DYNC2H1: variants seen among roughly 807,000 people sequenced by gnomAD.
DYNC2H1 encodes dynein cytoplasmic 2 heavy chain 1.
In DYNC2H1, 410 loss-of-function variants were observed where a neutral mutation model predicts 570.0. The ratio of observed to expected loss-of-function variants is 0.72; its 90% CI spans 0.66 to 0.78. The LOEUF (loss-of-function observed/expected upper bound fraction) is 0.78. Among genes scored for constraint, DYNC2H1 ranks in the 30% least tolerant of loss-of-function variants. The pLI is 0.00. For missense variants in DYNC2H1, 4,865 were observed against 5,046.4 expected (o/e 0.96, Z 1.09); for synonymous variants, 1,688 against 1,677.6 (o/e 1.01, Z -0.15).
intron 40 of DYNC2H1, among the ~76,000 whole-genome samples, chr11:103,184,127 A>G (rs902103894): frequency 6.6e-6 from 1 of 151,906 alleles, no homozygotes; most frequent in Admixed American, 6.6e-5. Flanking sequence ...CTTTTTTTAA[A>G]GAAGCCGTGA....
In DYNC2H1 at chr11:103,192,241, C is replaced by T. The variant is rs1862345996; in HGVS notation, c.7685C>T (p.Ser2562Leu). The T allele has an allele frequency of 6.4e-7, 1 of 1,571,518 alleles. No individual in the cohort carries two copies. The highest frequency in any genetic ancestry group is 1.2e-5 in the South Asian group (1 of 82,346). Residue 2562 changes from serine to leucine, a missense_variant, in exon 47 of 89, where the codon TCA becomes TTA. Physicochemically the swap from Ser to Leu is moderately radical, Grantham distance 145. Coordinates refer to ENST00000375735, the MANE Select transcript of DYNC2H1 (RefSeq NM_001377.3). ...LTSVFQGDWG[S>L]DILDNMSDSF... ...TCAGTGTTTCAAGGAGATTGGGGCT[C>T]AGACATATTAGACAATATGTCAGGT...
At chr11:103,457,213 T>C (rs1345769996) in intron 87 of DYNC2H1, among the ~76,000 whole-genome samples, 1 of 152,244 alleles carries the variant, frequency 6.6e-6, no homozygotes, top group African/African-American at 2.4e-5. Flanking sequence ...GTATAGTACA[T>C]AATACTTGAT....
intron 59 of DYNC2H1, among the ~76,000 whole-genome samples, chr11:103,225,466 G>A (rs1003871194): frequency 2.0e-5 from 3 of 151,768 alleles, no homozygotes; most frequent in Non-Finnish European, 4.4e-5. Flanking sequence ...ATTCTTCTAC[G>A]TGGGGCTTTC....
intron 10 of DYNC2H1, 72 bp from the exon 11 acceptor site, chr11:103,122,753 G>A: frequency 1.5e-6 from 2 of 1,292,712 alleles, no homozygotes; most frequent in Non-Finnish European, 2.2e-6. Context: ...GATCAGAGAA[G>A]GGGACTCCTT....
chr11:103,476,310 A>G (rs539969213), intron 88 of DYNC2H1, among the ~76,000 whole-genome samples: 2 of 152,340 alleles, frequency 1.3e-5, no homozygotes, highest in South Asian at 2.1e-4. Flanking sequence ...TTAGGTTAAC[A>G]TATCCCAGAG....
chr11:103,268,883 A>G lies in DYNC2H1; in HGVS notation c.10695+8906A>G, dbSNP rs1389719814. 6.6e-6 allele frequency among the ~76,000 whole-genome samples: 1 copy of G among 152,084 alleles called. No homozygotes were observed. Among genetic ancestry groups the G allele is most frequent in the Non-Finnish European group, 1.5e-5 (1 of 67,954 alleles). ...CTCATTTTATCGTTAGTAATACAGT[A>G]TATTCACTGATGAAATTTGAACCCC... On this transcript the variant is annotated intron_variant, in intron 70 of 88. Transcript: ENST00000375735. This position sits in a 1 kb window ranked among gnomAD's most constrained non-coding sequence, Gnocchi z 4.6.
At chr11:103,303,051 G>A (rs1867114111) in intron 75 of DYNC2H1, 42 bp from the exon 76 acceptor site, 2 of 1,326,564 alleles carry the variant, frequency 1.5e-6, no homozygotes, top group Non-Finnish European at 9.9e-7. Context: ...TTTTAATAAT[G>A]CATACTGCTT....
In DYNC2H1 at chr11:103,113,535, A is replaced by C; in HGVS notation, c.196-2A>C. The C allele has an allele frequency of 6.5e-7, 1 of 1,542,620 alleles. No individual in the cohort carries two copies. Among genetic ancestry groups the C allele is most frequent in the Non-Finnish European group, 8.7e-7 (1 of 1,152,394 alleles). On this transcript the variant is annotated splice_acceptor_variant, in intron 1 of 88. Transcript: ENST00000375735. LOFTEE classifies it high-confidence loss of function. ...AACATTAAAAATCATTTATCACTTT[A>C]GATTGAGTTTGGTGACACAAAAGAT...
intron 82 of DYNC2H1, among the ~76,000 whole-genome samples, chr11:103,341,446 C>G (rs544940704): frequency 1.3e-5 from 2 of 152,266 alleles, no homozygotes; most frequent in African/African-American, 4.8e-5. Flanking sequence ...GACAATTTCT[C>G]TAAGTGTGGG....
rs1277326269 is a variant in DYNC2H1, at chr11:103,109,648, C to T, written c.74C>T (p.Ser25Phe). Reference sequence around the variant, plus strand: ...ACCCAGAATTACTTCGGGTTGATGTCTGAACTCTGGGATCAGCCACTGTTG... The same window carrying T: ...ACCCAGAATTACTTCGGGTTGATGTTTGAACTCTGGGATCAGCCACTGTTG... ...TTTQNYFGLM[S>F]ELWDQPLLCN... The change falls in exon 1 of 89, where the codon TCT becomes TTT. Residue 25 changes from serine (S) to phenylalanine (F), a missense_variant. Transcript: ENST00000375735. 10 of 1,614,000 alleles carry T rather than the reference C, an allele frequency of 6.2e-6. No homozygotes were observed. Among genetic ancestry groups the T allele is most frequent in the Non-Finnish European group, 8.5e-6 (10 of 1,179,890 alleles).
rs988690854 is a variant in DYNC2H1, at chr11:103,356,020, T to C, written c.12040-2223T>C. Among the ~76,000 whole-genome samples the C allele has an allele frequency of 7.4e-4, 113 of 152,310 alleles. 1 individual carries two copies. The highest frequency in any genetic ancestry group is 1.1e-3 in the Non-Finnish European group (76 of 68,028). Reference sequence around the variant, plus strand: ...CCACTGTGCCTGGCTCCTTTGCAATTCTTATAGATCTCCCAAAGCATGCCA... The same window carrying C: ...CCACTGTGCCTGGCTCCTTTGCAATCCTTATAGATCTCCCAAAGCATGCCA... On this transcript the variant is annotated intron_variant, in intron 82 of 88. Coordinates refer to ENST00000375735, the MANE Select transcript of DYNC2H1 (RefSeq NM_001377.3).
Position 103,149,550 on chromosome 11 carries a change from A to G in DYNC2H1, c.2946+933A>G, listed in dbSNP as rs1488329012. On this transcript the variant is annotated intron_variant, in intron 20 of 88. Coordinates refer to ENST00000375735, the MANE Select transcript of DYNC2H1 (RefSeq NM_001377.3). ...GGAAAGAATTACAGACTTTTATGTG[A>G]TAGACTTAAAGGTATTAAAGAGGGT... Among the ~76,000 whole-genome samples, 5 of 152,230 alleles carry G rather than the reference A, an allele frequency of 3.3e-5. No individual in the cohort carries two copies. In the East Asian group the frequency reaches 7.7e-4, roughly 23 times the overall value.
chr11:103,191,857 A>T (rs1862329229), intron 46 of DYNC2H1, among the ~76,000 whole-genome samples: 1 of 152,058 alleles, frequency 6.6e-6, no homozygotes, highest in Non-Finnish European at 1.5e-5. Context: ...TATTTAGTAT[A>T]CTTTCTGGAA....
chr11:103,175,187 A>C (rs777118744), intron 36 of DYNC2H1, among the ~76,000 whole-genome samples: 27 of 152,152 alleles, frequency 1.8e-4, no homozygotes, highest in Non-Finnish European at 2.9e-4. Flanking sequence ...TCAGGTTGCT[A>C]TTGAAAACTA....
chr11:103,324,049 A>G lies in DYNC2H1; in HGVS notation c.12039+59A>G, dbSNP rs995010211. On this transcript the variant is annotated intron_variant, in intron 82 of 88. Transcript: ENST00000375735. The surrounding 1 kb of genome is among the most constrained non-coding windows in gnomAD (Gnocchi z 5.2). ...GTTGCTAGTGAGCCTGAAGGAGACAAAATTAAACTTGATTTAGTACTGTAG... is the reference window on the plus strand; with the variant it reads ...GTTGCTAGTGAGCCTGAAGGAGACAGAATTAAACTTGATTTAGTACTGTAG... 3.8e-6 allele frequency: 5 copies of G among 1,308,014 alleles called. No homozygotes were observed. The highest frequency in any genetic ancestry group is 2.4e-5 in the Admixed American group (1 of 41,484). 81.0% of individuals were successfully genotyped at this position (1,308,014 alleles called of 1,614,324 possible).
intron 70 of DYNC2H1, 74 bp downstream of exon 70, chr11:103,260,051 T>C: frequency 1.1e-6 from 1 of 880,192 alleles, no homozygotes; most frequent in East Asian, 3.3e-5. Flanking sequence ...ATAGTTATAG[T>C]ATAACTCTTT....
At chr11:103,411,659 C>A (rs896969652) in intron 84 of DYNC2H1, among the ~76,000 whole-genome samples, 1 of 151,416 alleles carries the variant, frequency 6.6e-6, no homozygotes, top group Non-Finnish European at 1.5e-5. Flanking sequence ...TTTTTTAAGA[C>A]CAAAATATTT....
chr11:103,445,808 T>G (rs1180777734), intron 85 of DYNC2H1, among the ~76,000 whole-genome samples: 1 of 152,098 alleles, frequency 6.6e-6, no homozygotes, highest in Non-Finnish European at 1.5e-5. Flanking sequence ...CACACCATCA[T>G]GCCCGGCTAA....
chr11:103,118,274 C>A (rs1304316781), intron 6 of DYNC2H1, among the ~76,000 whole-genome samples: 2 of 151,256 alleles, frequency 1.3e-5, no homozygotes, highest in Non-Finnish European at 2.9e-5. Flanking sequence ...CAGGGACAGG[C>A]AAAATGAGAT....
Sources: allele counts gnomAD v4.1 joint callset (sites outside exome capture counted in the v4.1 genomes callset), GRCh38; gene constraint gnomAD v4.1.1; non-coding constraint Gnocchi (gnomAD v3.1); transcripts MANE v1.5; gene names NCBI Gene and HGNC (gene_info 2026-07-23, HGNC 2026-07-21).